The following PDE9A variants were observed in gnomAD, a reference collection of about 807,000 sequenced individuals.
The protein encoded by PDE9A is phosphodiesterase 9A, also known as high affinity cGMP-specific 3',5'-cyclic phosphodiesterase 9A.
PDE9A carries 60 observed loss-of-function variants against 87.4 expected under a neutral mutation model. That is an observed-to-expected ratio of 0.69 (90% CI 0.56 to 0.85). The LOEUF (loss-of-function observed/expected upper bound fraction) is 0.85, where lower values mean the gene tolerates loss of function less well. Among genes scored for constraint, PDE9A ranks in the 40% least tolerant of loss-of-function variants. The probability of loss-of-function intolerance (pLI) is 0.00; values close to 1 mark genes in which losing one functional copy is unlikely to be tolerated. For missense variants in PDE9A, 665 were observed against 779.0 expected (o/e 0.85, Z 1.74); for synonymous variants, 272 against 279.4 (o/e 0.97, Z 0.27).
At chr21:42,670,300 C>CATACACTTAGA (rs1172316326) in intron 1 of PDE9A, among the ~76,000 whole-genome samples, 11 of 144,100 alleles carry the variant, frequency 7.6e-5, no homozygotes, top group African/African-American at 3.1e-4. Context: ...CATTCACACA[C>CATACACTTAGA]ATACACTTAG....
chr21:42,750,987 C>G (rs765639451), intron 8 of PDE9A, 129 bp from the exon 9 acceptor site: 13 of 716,172 alleles, frequency 1.8e-5, no homozygotes, highest in Non-Finnish European at 2.8e-5. Context: ...GCTGCCCTGA[C>G]TCCTCTCCCA....
chr21:42,750,759 A>AT (rs1211623772), intron 8 of PDE9A, among the ~76,000 whole-genome samples: 1 of 149,878 alleles, frequency 6.7e-6, no homozygotes, highest in Admixed American at 6.6e-5. Flanking sequence ...TATTATTATT[A>AT]TTTTTTTAAT....
chr21:42,733,472 T>A (rs1280370327), intron 7 of PDE9A, 46 bp downstream of exon 7: 1 of 1,104,932 alleles, frequency 9.1e-7, no homozygotes, highest in Non-Finnish European at 1.4e-6. Context: ...TCCTTTAACC[T>A]CTATTCAAAT....
chr21:42,771,684 A>G (rs1340744931), intron 18 of PDE9A, among the ~76,000 whole-genome samples: 1 of 152,134 alleles, frequency 6.6e-6, no homozygotes, highest in Non-Finnish European at 1.5e-5. Flanking sequence ...TTGAGCACTG[A>G]GCCATTTTCC....
intron 1 of PDE9A, among the ~76,000 whole-genome samples, chr21:42,656,173 G>A (rs577165128): frequency 8.5e-5 from 13 of 152,294 alleles, no homozygotes; most frequent in African/African-American, 3.1e-4. Flanking sequence ...TCCATCAAAG[G>A]TCATGGAAAC....
intron 1 of PDE9A, among the ~76,000 whole-genome samples, chr21:42,678,712 T>C (rs1260000034): frequency 1.3e-5 from 2 of 152,256 alleles, no homozygotes; most frequent in Admixed American, 1.3e-4. Flanking sequence ...AAATCAGAAC[T>C]GATGGACGGC....
Position 42,759,966 on chromosome 21 carries a change from G to A in PDE9A, c.898-362G>A, listed in dbSNP as rs907192273. 2.6e-5 allele frequency among the ~76,000 whole-genome samples: 4 copies of A among 151,990 alleles called. No individual in the cohort carries two copies. Among genetic ancestry groups the A allele is most frequent in the Admixed American group, 6.6e-5 (1 of 15,264 alleles). ...AAAAGCCTATTAAAGGTTTCATGGT[G>A]ACTGGGGACCCAGAGCTCCCTCTTG... On this transcript the variant is annotated intron_variant, in intron 11 of 19. Coordinates refer to ENST00000291539, the MANE Select transcript of PDE9A (RefSeq NM_002606.3). The surrounding 1 kb of genome is among the most constrained non-coding windows in gnomAD (Gnocchi z 7.2).
At chr21:42,764,715 C>A (rs1298604360) in intron 14 of PDE9A, among the ~76,000 whole-genome samples, 1 of 152,194 alleles carries the variant, frequency 6.6e-6, no homozygotes, top group Non-Finnish European at 1.5e-5. Context: ...AGTTGTCCCA[C>A]TTTTTTAAAA....
At chr21:42,727,489 A>ATCTTT (rs2051253758) in intron 4 of PDE9A, among the ~76,000 whole-genome samples, 1 of 88,340 alleles carries the variant, frequency 1.1e-5, no homozygotes, top group African/African-American at 5.1e-5. Flanking sequence ...ACGCCTGGCT[A>ATCTTT]TTTTTTTTTT....
At chr21:42,691,687 C>T (rs1252829429) in intron 3 of PDE9A, among the ~76,000 whole-genome samples, 2 of 151,908 alleles carry the variant, frequency 1.3e-5, no homozygotes, top group African/African-American at 2.4e-5. Context: ...CAGCCCATCA[C>T]CATCACTATC....
At chr21:42,670,102 C>A (rs1370307502) in intron 1 of PDE9A, among the ~76,000 whole-genome samples, 1 of 152,032 alleles carries the variant, frequency 6.6e-6, no homozygotes, top group Non-Finnish European at 1.5e-5. Flanking sequence ...CATACACTCA[C>A]ACATATGCTT....
intron 19 of PDE9A, among the ~76,000 whole-genome samples, chr21:42,773,922 G>A (rs1373153017): frequency 2.6e-5 from 4 of 151,170 alleles, no homozygotes; most frequent in African/African-American, 9.8e-5. Context: ...GGCTAACACG[G>A]TGAAACCCTT....
intron 1 of PDE9A, among the ~76,000 whole-genome samples, chr21:42,683,832 C>G (rs1242996797): frequency 2.0e-5 from 3 of 152,344 alleles, no homozygotes; most frequent in Non-Finnish European, 2.9e-5. Flanking sequence ...ACTCCAAGAT[C>G]ATCCCCCGTG....
intron 10 of PDE9A, chr21:42,758,558 G>T (rs1366257247): frequency 6.3e-6 from 1 of 158,410 alleles, no homozygotes; most frequent in Non-Finnish European, 1.4e-5. Flanking sequence ...GTGCTCAGGT[G>T]TGCACTGGAT....
intron 7 of PDE9A, among the ~76,000 whole-genome samples, chr21:42,743,104 T>A (rs954363225): frequency 1.3e-5 from 2 of 152,224 alleles, no homozygotes; most frequent in African/African-American, 4.8e-5. Context: ...CACAGACAGC[T>A]TGGAGGTTCG....
At chr21:42,699,099 A>G (rs1203744788) in intron 4 of PDE9A, 88 bp downstream of exon 4, 12 of 825,364 alleles carry the variant, frequency 1.5e-5, no homozygotes, top group Admixed American at 3.9e-5. Flanking sequence ...CTAGTTAAGC[A>G]TTTGAATCTA....
intron 1 of PDE9A, among the ~76,000 whole-genome samples, chr21:42,670,626 C>T (rs374422144): frequency 1.3e-4 from 20 of 151,946 alleles, no homozygotes; most frequent in Admixed American, 5.2e-4. Context: ...CACATTCACA[C>T]ACACATACAC....
chr21:42,740,759 A>AGATAGATAAACAG (rs2053151916), intron 7 of PDE9A, among the ~76,000 whole-genome samples: 3 of 125,964 alleles, frequency 2.4e-5, no homozygotes, highest in Non-Finnish European at 3.4e-5. Context: ...TAAACAGGAT[A>AGATAGATAAACAG]GATAGATAGA....
intron 19 of PDE9A, among the ~76,000 whole-genome samples, chr21:42,773,835 T>C (rs966410291): frequency 6.8e-6 from 1 of 146,622 alleles, no homozygotes; most frequent in East Asian, 2.1e-4. Flanking sequence ...CCGGGCGCAG[T>C]GGCTCATGCC....
Sources: gnomAD v4.1 joint callset for allele counts (sites outside exome capture counted in the v4.1 genomes callset) on GRCh38, gnomAD v4.1.1 for gene constraint, Gnocchi (gnomAD v3.1) non-coding constraint, MANE v1.5 for transcripts, NCBI Gene and HGNC (gene_info 2026-07-23, HGNC 2026-07-21) for gene names.